TTBK2: variants seen among roughly 807,000 people sequenced by gnomAD.
TTBK2 encodes the protein tau-tubulin kinase 2.
A neutral mutation model predicts 110.8 loss-of-function variants in TTBK2; 28 were observed. The ratio of observed to expected loss-of-function variants is 0.25; its 90% CI spans 0.19 to 0.35. The LOEUF (loss-of-function observed/expected upper bound fraction) is 0.35, where lower values mean the gene tolerates loss of function less well. Ranked by LOEUF, TTBK2 falls within the 10% of genes least tolerant of loss-of-function variation. The probability of loss-of-function intolerance (pLI) is 1.00; values close to 1 mark genes in which losing one functional copy is unlikely to be tolerated. For missense variants in TTBK2, 1,369 were observed against 1,500.3 expected (o/e 0.91, Z 1.45); for synonymous variants, 532 against 527.3 (o/e 1.01, Z -0.12).
intron 3 of TTBK2, among the ~76,000 whole-genome samples, chr15:42,868,967 TCTAA>T (rs1189094478): frequency 2.0e-5 from 3 of 152,134 alleles, no homozygotes. Context: ...AGAATGGAAA[TCTAA>T]CTTTTTCAGA....
intron 10 of TTBK2, among the ~76,000 whole-genome samples, chr15:42,792,228 G>A (rs1282832888): frequency 1.3e-5 from 2 of 152,138 alleles, no homozygotes; most frequent in Admixed American, 6.6e-5. Context: ...AAATGTTTGA[G>A]GTAATGGATA....
chr15:42,841,698 G>C (rs1200080686), intron 3 of TTBK2, among the ~76,000 whole-genome samples: 1 of 152,112 alleles, frequency 6.6e-6, no homozygotes, highest in Non-Finnish European at 1.5e-5. Context: ...CTGGGGGATA[G>C]TTACAATATC....
chr15:42,746,084 C>T lies in TTBK2; in HGVS notation c.3446G>A (p.Arg1149Lys). Reference protein sequence around the residue: ...TPPKSPVVPRRSPSASPRSSS... With the variant: ...TPPKSPVVPRKSPSASPRSSS... ...GCTTCGAGGAGAGGCACTGGGACTC[C>T]TGCGAGGGACAACTGGACTCTTGGG... is the stretch of plus-strand genomic sequence containing the variant. Residue 1149 changes from arginine (R) to lysine (K), a missense_variant, in exon 15 of 15, where the codon AGG becomes AAG. Transcript: ENST00000267890. The T allele has an allele frequency of 6.2e-7, 1 of 1,614,040 alleles. No individual in the cohort carries two copies. The highest frequency in any genetic ancestry group is 8.5e-7 in the Non-Finnish European group (1 of 1,180,008).
At chr15:42,873,249 T>A (rs1336741234) in intron 2 of TTBK2, among the ~76,000 whole-genome samples, 6 of 152,102 alleles carry the variant, frequency 3.9e-5, no homozygotes, top group Non-Finnish European at 1.5e-5. Flanking sequence ...CTGGCCAACA[T>A]GGTGAAACCC....
At chr15:42,785,465 G>C (rs557508495) in intron 10 of TTBK2, among the ~76,000 whole-genome samples, 1 of 152,204 alleles carries the variant, frequency 6.6e-6, no homozygotes, top group South Asian at 2.1e-4. Flanking sequence ...CAAGGCCCTA[G>C]CAACACAAAG....
intron 6 of TTBK2, among the ~76,000 whole-genome samples, chr15:42,819,144 CTTTT>C: frequency 6.7e-6 from 1 of 150,068 alleles, no homozygotes. Flanking sequence ...ACATGTATTA[CTTTT>C]GTAGTCAGAA....
chr15:42,776,430 C>T (rs1256398164), intron 12 of TTBK2, among the ~76,000 whole-genome samples: 2 of 152,156 alleles, frequency 1.3e-5, no homozygotes, highest in African/African-American at 4.8e-5. Flanking sequence ...GGATAATGTG[C>T]CTCAAAACCA....
intron 13 of TTBK2, among the ~76,000 whole-genome samples, chr15:42,754,585 C>T (rs7169419): frequency 0.01 from 1,558 of 150,646 alleles, 26 homozygotes; most frequent in African/African-American, 0.034. Context: ...TTAGTAGAGA[C>T]GGGGTTTCAC....
chr15:42,776,355 T>C (rs1454041032), intron 12 of TTBK2, among the ~76,000 whole-genome samples: 3 of 152,262 alleles, frequency 2.0e-5, no homozygotes, highest in Non-Finnish European at 4.4e-5. Context: ...CTGAAGTTTC[T>C]ATAATTCATA....
Position 42,752,207 on chromosome 15 carries a change from G to T in TTBK2, c.3039C>A (p.Pro1013=). The T allele has an allele frequency of 3.1e-6, 5 of 1,614,148 alleles. No individual in the cohort carries two copies. Among genetic ancestry groups the T allele is most frequent in the Non-Finnish European group, 4.2e-6 (5 of 1,180,002 alleles). ...LEEKLATVPA[P]FCEEEVLTPF... is the part of the protein sequence containing the mutation. ...GAGTGAGCACTTCCTCCTCACAAAA[G>T]GGAGCAGGAACAGTAGCTAGTTTCT... The change falls in exon 14 of 15, where the codon CCC becomes CCA. Residue 1013 remains proline, a synonymous_variant. Coordinates refer to ENST00000267890, the MANE Select transcript of TTBK2 (RefSeq NM_173500.4).
chr15:42,841,072 C>T (rs1182780829), intron 3 of TTBK2, among the ~76,000 whole-genome samples: 1 of 152,162 alleles, frequency 6.6e-6, no homozygotes, highest in Non-Finnish European at 1.5e-5. Context: ...TGAAAACCAG[C>T]CGGAAAACTT....
chr15:42,887,457 G>A (rs1055757005), intron 1 of TTBK2, among the ~76,000 whole-genome samples: 1 of 152,002 alleles, frequency 6.6e-6, no homozygotes, highest in South Asian at 2.1e-4. Flanking sequence ...CCCGCTCAAC[G>A]CCAATATCCC....
rs1372772924 is a variant in TTBK2 at position 42,739,711 on chromosome 15, C to G, written c.*6084G>C. 2 of 152,220 alleles carry G rather than the reference C, an allele frequency of 1.3e-5. No individual in the cohort carries two copies. Among genetic ancestry groups the G allele is most frequent in the Non-Finnish European group, 2.9e-5 (2 of 68,048 alleles). The allele number at this position is 152,220 out of a possible 1,614,324, so 9.4% of individuals were successfully genotyped here. ...TCAGTGGACTACTTTGGCTGATGAA[C>G]AGTTCAAATAGAAGATTGTTTTGGA... On this transcript the variant is annotated 3_prime_UTR_variant, in exon 15 of 15. Transcript: ENST00000267890.
intron 3 of TTBK2, among the ~76,000 whole-genome samples, chr15:42,859,200 G>A (rs1238729927): frequency 6.6e-5 from 10 of 152,126 alleles, no homozygotes. Context: ...GACCTTCTGG[G>A]CTCAAGTGAT....
rs774600774 is a variant in TTBK2 at position 42,746,239 on chromosome 15, G to A, written c.3291C>T (p.Val1097=). Residue 1097 remains valine (V), a synonymous_variant, in exon 15 of 15, where the codon GTC becomes GTT. Coordinates refer to ENST00000267890, the MANE Select transcript of TTBK2 (RefSeq NM_173500.4). Reference sequence around the variant, plus strand: ...CTGAGTCGGAGTTACTACTCCCTAGGACTTTATATCTGCGTAGCCTTAAAA... The same window carrying A: ...CTGAGTCGGAGTTACTACTCCCTAGAACTTTATATCTGCGTAGCCTTAAAA... ...GVEARLRRYK[V]LGSSNSDSDL... The A allele has an allele frequency of 1.9e-6, 3 of 1,613,390 alleles. No homozygotes were observed. Among genetic ancestry groups the A allele is most frequent in the Non-Finnish European group, 2.5e-6 (3 of 1,179,450 alleles).
At chr15:42,891,172 C>CTT (rs758372860) in intron 1 of TTBK2, among the ~76,000 whole-genome samples, 25 of 125,742 alleles carry the variant, frequency 2.0e-4, no homozygotes, top group East Asian at 6.8e-4. Flanking sequence ...CCATGCCCGA[C>CTT]TTTTTTTTTT....
intron 7 of TTBK2, among the ~76,000 whole-genome samples, chr15:42,814,733 G>A (rs927884419): frequency 2.0e-5 from 3 of 152,168 alleles, no homozygotes; most frequent in African/African-American, 7.2e-5. Context: ...AGTTCCAAGA[G>A]GTGCACTCCT....
intron 4 of TTBK2, among the ~76,000 whole-genome samples, chr15:42,832,382 C>A (rs985062379): frequency 3.9e-5 from 6 of 151,952 alleles, no homozygotes; most frequent in Non-Finnish European, 7.4e-5. Flanking sequence ...AAAATATAAG[C>A]CTAACATATC....
chr15:42,744,936 T>C lies in TTBK2; in HGVS notation c.*859A>G, dbSNP rs1462041986. The C allele has an allele frequency of 1.3e-5, 2 of 154,352 alleles. No individual in the cohort carries two copies. Among genetic ancestry groups the C allele is most frequent in the East Asian group, 3.8e-4 (2 of 5,204 alleles). 9.6% of individuals were successfully genotyped at this position (154,352 alleles called of 1,614,324 possible). A position where few individuals can be genotyped will look rare whatever the true frequency, so the allele number is the denominator to read the frequency against. On this transcript the variant is annotated 3_prime_UTR_variant, in exon 15 of 15. Coordinates refer to ENST00000267890, the MANE Select transcript of TTBK2 (RefSeq NM_173500.4). Reference sequence around the variant, plus strand: ...TACTCAAGTTTCTAAAGGAGGACACTTAACAGAGATGAAAGGGCATCTTCT... The same window carrying C: ...TACTCAAGTTTCTAAAGGAGGACACCTAACAGAGATGAAAGGGCATCTTCT...
Sources: allele counts gnomAD v4.1 joint callset (sites outside exome capture counted in the v4.1 genomes callset), GRCh38; gene constraint gnomAD v4.1.1; transcripts MANE v1.5; gene names NCBI Gene and HGNC (gene_info 2026-07-23, HGNC 2026-07-21).